CTNND2: variants seen among roughly 807,000 people sequenced by gnomAD.
CTNND2 encodes the protein catenin delta 2, also known as catenin delta-2.
In CTNND2, 22 loss-of-function variants were observed where a neutral mutation model predicts 144.4. The observed-to-expected ratio is 0.15, with a 90% confidence interval of 0.11 to 0.22. The LOEUF (loss-of-function observed/expected upper bound fraction) is 0.22. Among genes scored for constraint, CTNND2 ranks in the 10% least tolerant of loss-of-function variants. CTNND2 has a pLI of 1.00. For synonymous variants in CTNND2, 751 were observed against 695.6 expected (o/e 1.08, Z -1.25); for missense variants, 1,353 against 1,618.8 (o/e 0.84, Z 2.82).
chr5:11,283,660 T>A (rs1192094196), intron 9 of CTNND2, among the ~76,000 whole-genome samples: 5 of 95,118 alleles, frequency 5.3e-5, no homozygotes, highest in African/African-American at 2.1e-4. Context: ...GGTGAAAGAG[T>A]GAGACTCCGT....
At chr5:11,884,659 T>C (rs1736386328) in intron 1 of CTNND2, among the ~76,000 whole-genome samples, 1 of 152,162 alleles carries the variant, frequency 6.6e-6, no homozygotes, top group Admixed American at 6.5e-5. Context: ...TATTTTTTTC[T>C]CTTGTCTATT....
intron 1 of CTNND2, among the ~76,000 whole-genome samples, chr5:11,830,889 A>C (rs1435410955): frequency 6.6e-6 from 1 of 152,264 alleles, no homozygotes; most frequent in Non-Finnish European, 1.5e-5. Context: ...ATCTATTTTT[A>C]AAATATATAC....
At position 11,738,531 on chromosome 5, in the gene CTNND2, G is replaced by A. The variant is rs192070292; in HGVS notation, c.38-6259C>T. Among the ~76,000 whole-genome samples the A allele has an allele frequency of 1.8e-3, 268 of 152,274 alleles. 2 individuals carry two copies. Among genetic ancestry groups the A allele is most frequent in the Admixed American group, 3.1e-3 (48 of 15,296 alleles). On this transcript the variant is annotated intron_variant, in intron 1 of 21. Coordinates refer to ENST00000304623, the MANE Select transcript of CTNND2 (RefSeq NM_001332.4). ...TTTTGGAAGGCCAAACTCTCTAGCC[G>A]TCAATGCAGAGACAATATTCAATGT... is the stretch of plus-strand genomic sequence containing the variant.
chr5:11,606,593 AT>A (rs1284918391), intron 2 of CTNND2, among the ~76,000 whole-genome samples: 1 of 152,206 alleles, frequency 6.6e-6, no homozygotes, highest in Non-Finnish European at 1.5e-5. Flanking sequence ...ATATCTTATC[AT>A]TCATCCAGCT....
chr5:11,336,876 C>T (rs1191893666), intron 9 of CTNND2, among the ~76,000 whole-genome samples: 1 of 151,988 alleles, frequency 6.6e-6, no homozygotes, highest in African/African-American at 2.4e-5. Flanking sequence ...ACATAACTTT[C>T]TTTAATAAAA....
intron 12 of CTNND2, among the ~76,000 whole-genome samples, chr5:11,136,649 AAAGCATTTCCAG>A (rs1266691169): frequency 6.6e-6 from 1 of 152,174 alleles, no homozygotes; most frequent in Non-Finnish European, 1.5e-5. Flanking sequence ...CTCTAACTTC[AAAGCATTTCCAG>A]AATTGTTCTC....
intron 2 of CTNND2, among the ~76,000 whole-genome samples, chr5:11,641,630 ACG>A (rs1400056124): frequency 7.3e-5 from 11 of 150,766 alleles, no homozygotes; most frequent in African/African-American, 2.4e-4. Flanking sequence ...GTATACATAT[ACG>A]TGTGTGTATA....
At chr5:11,139,085 T>C (rs1050624659) in intron 12 of CTNND2, among the ~76,000 whole-genome samples, 2 of 152,118 alleles carry the variant, frequency 1.3e-5, no homozygotes, top group Admixed American at 6.5e-5. Context: ...TTCAGCCTCC[T>C]GAGTAGCTGG....
intron 2 of CTNND2, among the ~76,000 whole-genome samples, chr5:11,636,089 AGAAGAAAACT>A (rs1781689711): frequency 7.0e-6 from 1 of 143,202 alleles, no homozygotes; most frequent in African/African-American, 2.6e-5. Flanking sequence ...AATTTTAGAG[AGAAGAAAACT>A]GAGGAAAACC....
intron 1 of CTNND2, among the ~76,000 whole-genome samples, chr5:11,795,251 G>A (rs192272100): frequency 7.2e-5 from 11 of 152,282 alleles, no homozygotes; most frequent in African/African-American, 2.6e-4. Context: ...GAAGGCCAAG[G>A]AAGGTCTCTG....
intron 1 of CTNND2, among the ~76,000 whole-genome samples, chr5:11,747,780 C>CT (rs1392698489): frequency 2.6e-5 from 4 of 152,122 alleles, no homozygotes; most frequent in Non-Finnish European, 5.9e-5. Context: ...GAATTGCCAA[C>CT]TTTGACTGTC....
intron 5 of CTNND2, among the ~76,000 whole-genome samples, chr5:11,406,574 G>A (rs943074608): frequency 2.0e-5 from 3 of 152,062 alleles, no homozygotes; most frequent in African/African-American, 4.8e-5. Flanking sequence ...ATTATTGCAT[G>A]AGAACATATG....
intron 14 of CTNND2, among the ~76,000 whole-genome samples, chr5:11,109,958 C>T (rs1752792661): frequency 6.6e-6 from 1 of 152,086 alleles, no homozygotes; most frequent in African/African-American, 2.4e-5. Flanking sequence ...TATGTACGCA[C>T]CTGTTTTTAT....
chr5:11,516,790 G>A (rs1772202617), intron 3 of CTNND2, among the ~76,000 whole-genome samples: 1 of 151,856 alleles, frequency 6.6e-6, no homozygotes, highest in African/African-American at 2.4e-5. Context: ...AAGATTTCAG[G>A]TGTTCTTTTG....
intron 7 of CTNND2, among the ~76,000 whole-genome samples, chr5:11,368,601 T>C (rs1445837067): frequency 6.6e-6 from 1 of 152,214 alleles, no homozygotes; most frequent in Non-Finnish European, 1.5e-5. Context: ...CATGACAACA[T>C]GGCTCAGCCT....
chr5:11,891,885 AC>A (rs1736991489), intron 1 of CTNND2, among the ~76,000 whole-genome samples: 1 of 152,226 alleles, frequency 6.6e-6, no homozygotes, highest in African/African-American at 2.4e-5. Context: ...TTCTGAGATG[AC>A]AGGGAATATA....
chr5:11,849,563 C>T (rs1433235875), intron 1 of CTNND2, among the ~76,000 whole-genome samples: 2 of 152,046 alleles, frequency 1.3e-5, no homozygotes, highest in Non-Finnish European at 2.9e-5. Flanking sequence ...AGTGATATGC[C>T]CAGAATAAAG....
In CTNND2 at chr5:10,988,135, T is replaced by C. The variant is rs770881847; in HGVS notation, c.3319A>G (p.Thr1107Ala). 5.0e-6 allele frequency: 8 copies of C among 1,614,154 alleles called. No individual in the cohort carries two copies. The highest frequency in any genetic ancestry group is 3.3e-5 in the Admixed American group (2 of 60,018). ...ATYHGAKGEHTSRKDAMTAQN... is the reference protein window; with the variant it reads ...ATYHGAKGEHASRKDAMTAQN... The stretch of plus-strand genomic sequence containing the variant: ...CCTGTCATGGCATCTTTCCTGGAAG[T>C]GTGTTCGCCTTTAGCTCCGTGGTAG... Residue 1107 changes from threonine (T) to alanine (A), a missense_variant, in exon 20 of 22, where the codon ACT becomes GCT. Transcript: ENST00000304623. This position sits in a 1 kb window ranked among gnomAD's most constrained non-coding sequence, Gnocchi z 5.9.
In CTNND2 at chr5:11,715,992, T is replaced by C. The variant is rs138671150; in HGVS notation, c.174+16144A>G. The stretch of plus-strand genomic sequence containing the variant: ...CTCTATCGTAGACAAGCAGACTTCG[T>C]TCAATACATAATAATGCTGGCATGA... On this transcript the variant is annotated intron_variant, in intron 2 of 21. Coordinates refer to ENST00000304623, the MANE Select transcript of CTNND2 (RefSeq NM_001332.4). 2.1e-4 allele frequency among the ~76,000 whole-genome samples: 32 copies of C among 152,254 alleles called. No homozygotes were observed. In the East Asian group the frequency reaches 5.8e-3, roughly 28 times the overall value.
Sources: allele counts gnomAD v4.1 joint callset (sites outside exome capture counted in the v4.1 genomes callset), GRCh38; gene constraint gnomAD v4.1.1; non-coding constraint Gnocchi (gnomAD v3.1); transcripts MANE v1.5; gene names NCBI Gene and HGNC (gene_info 2026-07-23, HGNC 2026-07-21).